The following ENPP2 variants were observed in gnomAD, a reference collection of about 807,000 sequenced individuals.
ENPP2 encodes autotaxin.
A neutral mutation model predicts 120.2 loss-of-function variants in ENPP2; 51 were observed. The ratio of observed to expected loss-of-function variants is 0.42; its 90% confidence interval spans 0.34 to 0.54. The LOEUF (loss-of-function observed/expected upper bound fraction) is 0.54, where lower values mean the gene tolerates loss of function less well. Among genes scored for constraint, ENPP2 ranks in the 20% least tolerant of loss-of-function variants. The pLI is 0.04. For synonymous variants in ENPP2, 365 were observed against 366.4 expected, an observed-to-expected ratio of 1.00 and a Z score of 0.04; for missense variants, 920 against 1,066.5, an observed-to-expected ratio of 0.86 and a Z score of 1.91.
intron 9 of ENPP2, among the ~76,000 whole-genome samples, chr8:119,602,316 G>A (rs550781300): frequency 2.0e-5 from 3 of 152,176 alleles, no homozygotes; most frequent in South Asian, 4.2e-4. Context: ...AATTAGCCAG[G>A]CATGGTGGCA....
At chr8:119,671,026 C>T (rs1818226741) in intron 1 of ENPP2, among the ~76,000 whole-genome samples, 1 of 151,650 alleles carries the variant, frequency 6.6e-6, no homozygotes, top group Non-Finnish European at 1.5e-5. Flanking sequence ...GTGGCTCACG[C>T]CTGTAATCCT....
chr8:119,653,006 G>A (rs1817668379), intron 1 of ENPP2, among the ~76,000 whole-genome samples: 3 of 152,146 alleles, frequency 2.0e-5, no homozygotes, highest in African/African-American at 4.8e-5. Flanking sequence ...AGAAGCCCAT[G>A]TTTGGCTACC....
intron 18 of ENPP2, among the ~76,000 whole-genome samples, chr8:119,581,763 C>CTT (rs35114182): frequency 4.5e-4 from 64 of 141,130 alleles, no homozygotes; most frequent in Admixed American, 1.6e-3. Context: ...TTTTCATTTC[C>CTT]TTTTTTTTTT....
At chr8:119,628,515 G>A (rs183913790) in intron 2 of ENPP2, among the ~76,000 whole-genome samples, 11 of 152,148 alleles carry the variant, frequency 7.2e-5, no homozygotes, top group Admixed American at 6.5e-4. Flanking sequence ...TGTTTTTCCC[G>A]TCAAGAAAGA....
intron 1 of ENPP2, among the ~76,000 whole-genome samples, chr8:119,662,493 C>T (rs866911536): frequency 2.0e-5 from 3 of 152,152 alleles, no homozygotes; most frequent in African/African-American, 7.2e-5. Flanking sequence ...GGATCAGAAA[C>T]TTTAGGGGTG....
At chr8:119,602,484 A>C (rs1814387353) in intron 9 of ENPP2, among the ~76,000 whole-genome samples, 1 of 151,458 alleles carries the variant, frequency 6.6e-6, no homozygotes, top group East Asian at 1.9e-4. Flanking sequence ...AAGAATAGGC[A>C]CATATAATTA....
chr8:119,649,997 C>T (rs1233265478), intron 1 of ENPP2, among the ~76,000 whole-genome samples: 1 of 152,140 alleles, frequency 6.6e-6, no homozygotes, highest in Non-Finnish European at 1.5e-5. Context: ...TATAGAGTTA[C>T]ACATATAACT....
At position 119,650,116 on chromosome 8, in the gene ENPP2, G is replaced by A. The variant is rs185987792; in HGVS notation, c.22-11589C>T. Among the ~76,000 whole-genome samples, 14 of 152,240 alleles carry A rather than the reference G, an allele frequency of 9.2e-5. No homozygotes were observed. In the East Asian group the frequency reaches 1.9e-3, roughly 21 times the overall value. ...ATTACCAACTGATGAATGGATAAAC[G>A]AAATGGGGTATATCCATACGGTGAA... On this transcript the variant is annotated intron_variant, in intron 1 of 25. Transcript: ENST00000427067.
intron 1 of ENPP2, among the ~76,000 whole-genome samples, chr8:119,655,065 G>A (rs912317849): frequency 6.6e-6 from 1 of 152,136 alleles, no homozygotes; most frequent in African/African-American, 2.4e-5. Flanking sequence ...AGAAAATATT[G>A]GTATGCACAA....
At chr8:119,570,460 G>T (rs191262173) in intron 20 of ENPP2, among the ~76,000 whole-genome samples, 74 of 152,156 alleles carry the variant, frequency 4.9e-4, no homozygotes, top group African/African-American at 1.7e-3. Flanking sequence ...AATGACTTAG[G>T]CAGAGTAAAA....
At chr8:119,569,170 A>C (rs1814739996) in intron 21 of ENPP2, 65 bp downstream of exon 21, 8 of 1,506,210 alleles carry the variant, frequency 5.3e-6, no homozygotes, top group Non-Finnish European at 9.1e-7. Context: ...CTGAAATTCC[A>C]AATACCAAGA....
At chr8:119,667,781 T>C (rs1279876055) in intron 1 of ENPP2, among the ~76,000 whole-genome samples, 4 of 152,224 alleles carry the variant, frequency 2.6e-5, no homozygotes, top group Non-Finnish European at 4.4e-5. Flanking sequence ...AAACCGATTA[T>C]GACACTGCCC....
chr8:119,626,175 C>T (rs529997343), intron 3 of ENPP2, among the ~76,000 whole-genome samples: 11 of 152,216 alleles, frequency 7.2e-5, no homozygotes, highest in African/African-American at 2.6e-4. Context: ...CTGACCAACA[C>T]AGTGAGATGC....
At chr8:119,660,621 C>T (rs118069661) in intron 1 of ENPP2, among the ~76,000 whole-genome samples, 2 of 152,272 alleles carry the variant, frequency 1.3e-5, no homozygotes, top group Non-Finnish European at 2.9e-5. Flanking sequence ...TTCTAAGAAC[C>T]GTGAGACCTT....
At chr8:119,626,378 C>T (rs1032016354) in intron 3 of ENPP2, among the ~76,000 whole-genome samples, 187 bp downstream of exon 3, 5 of 152,174 alleles carry the variant, frequency 3.3e-5, no homozygotes, top group African/African-American at 4.8e-5. Context: ...TCTGCTGGAA[C>T]CTATGTGGAA....
At chr8:119,585,927 GACACACACACACACACACAC>G (rs34249912) in intron 15 of ENPP2, among the ~76,000 whole-genome samples, 9 of 146,224 alleles carry the variant, frequency 6.2e-5, no homozygotes, top group African/African-American at 2.0e-4. Flanking sequence ...GGATGAAAGA[GACACACACACACACACACAC>G]ACACACACAC....
intron 19 of ENPP2, chr8:119,578,620 C>G (rs1158654063): frequency 2.0e-5 from 3 of 152,232 alleles, no homozygotes; most frequent in Non-Finnish European, 2.9e-5. Flanking sequence ...GACTCCCCAT[C>G]TTTTGACTCT....
intron 1 of ENPP2, among the ~76,000 whole-genome samples, chr8:119,666,688 G>A (rs1818081512): frequency 6.6e-6 from 1 of 151,946 alleles, no homozygotes; most frequent in Non-Finnish European, 1.5e-5. Context: ...GCTGAGGCAG[G>A]AGCATCACTT....
upstream of ENPP2, among the ~76,000 whole-genome samples, chr8:119,643,577 G>T (rs546565574): frequency 6.6e-6 from 1 of 152,104 alleles, no homozygotes; most frequent in East Asian, 1.9e-4. Context: ...CATGAGCCCC[G>T]ACACCAGAAT....
Sources: allele counts gnomAD v4.1 joint callset (sites outside exome capture counted in the v4.1 genomes callset), GRCh38; gene constraint gnomAD v4.1.1; transcripts MANE v1.5; gene names NCBI Gene and HGNC (gene_info 2026-07-23, HGNC 2026-07-21).